The following RGS7 variants were observed in gnomAD, a reference collection of about 807,000 sequenced individuals.
RGS7 encodes regulator of G-protein signaling 7.
In RGS7, 27 loss-of-function variants were observed where a neutral mutation model predicts 81.1. The ratio of observed to expected loss-of-function variants is 0.33; its 90% CI spans 0.25 to 0.46. RGS7 has a LOEUF of 0.46. Ranked by LOEUF, RGS7 falls within the 20% of genes least tolerant of loss-of-function variation. The pLI is 1.00. For synonymous variants in RGS7, 208 were observed against 207.7 expected (o/e 1.00, Z -0.01); for missense variants, 396 against 607.4 (o/e 0.65, Z 3.66).
intron 6 of RGS7, among the ~76,000 whole-genome samples, chr1:240,904,354 A>G (rs894822657): frequency 2.6e-5 from 4 of 152,212 alleles, no homozygotes; most frequent in African/African-American, 9.7e-5. Context: ...TGTGTGGTCT[A>G]TGTGTAATAG....
intron 9 of RGS7, among the ~76,000 whole-genome samples, chr1:240,854,815 G>C (rs868489439): frequency 6.6e-6 from 1 of 151,730 alleles, no homozygotes; most frequent in Admixed American, 6.6e-5. Context: ...TCCCCTCCCC[G>C]GCCTACACGG....
intron 2 of RGS7, among the ~76,000 whole-genome samples, chr1:241,189,585 C>T (rs2072427565): frequency 6.6e-6 from 1 of 152,154 alleles, no homozygotes; most frequent in Non-Finnish European, 1.5e-5. Flanking sequence ...AGTCTTAGAG[C>T]TATTTGCCTA....
intron 2 of RGS7, among the ~76,000 whole-genome samples, chr1:241,296,936 T>G (rs1472402384): frequency 2.0e-5 from 3 of 152,062 alleles, no homozygotes; most frequent in Non-Finnish European, 4.4e-5. Context: ...TAGCTGGGTT[T>G]TTTTTTTTTA....
chr1:240,955,286 G>A (rs2148450619), intron 4 of RGS7, among the ~76,000 whole-genome samples: 1 of 152,216 alleles, frequency 6.6e-6, no homozygotes, highest in East Asian at 1.9e-4. Flanking sequence ...ACATAATAAT[G>A]AAGGATAAAA....
At chr1:241,313,934 A>AT (rs2080707247) in intron 2 of RGS7, among the ~76,000 whole-genome samples, 1 of 152,202 alleles carries the variant, frequency 6.6e-6, no homozygotes, top group East Asian at 1.9e-4. Context: ...GAGAACTTGG[A>AT]TTTTAAGTGG....
At chr1:241,158,469 A>C (rs112482479) in intron 2 of RGS7, among the ~76,000 whole-genome samples, 3,686 of 152,280 alleles carry the variant, frequency 0.024, 137 homozygotes, top group African/African-American at 0.075. Flanking sequence ...CGTTATGCTC[A>C]AACCCAAGCG....
chr1:240,832,553 A>G (rs1255242859), intron 9 of RGS7, among the ~76,000 whole-genome samples: 1 of 152,204 alleles, frequency 6.6e-6, no homozygotes, highest in African/African-American at 2.4e-5. Flanking sequence ...CATTATTGAT[A>G]TTTTAAGTAA....
intron 10 of RGS7, among the ~76,000 whole-genome samples, chr1:240,825,403 G>A (rs895599397): frequency 6.6e-6 from 1 of 152,194 alleles, no homozygotes; most frequent in Admixed American, 6.5e-5. Flanking sequence ...GAAGATTCTA[G>A]CAAATTGAAC....
chr1:241,229,060 T>TAA (rs34579729), intron 2 of RGS7, among the ~76,000 whole-genome samples: 7 of 143,330 alleles, frequency 4.9e-5, no homozygotes, highest in South Asian at 4.5e-4. Flanking sequence ...AATAAAAAAT[T>TAA]AAAAAAAAAA....
intron 6 of RGS7, among the ~76,000 whole-genome samples, chr1:240,903,415 C>T (rs189948121): frequency 1.1e-3 from 173 of 151,810 alleles, no homozygotes; most frequent in African/African-American, 4.0e-3. Flanking sequence ...TAATGGCTTC[C>T]ATGTTGGACA....
intron 2 of RGS7, among the ~76,000 whole-genome samples, chr1:241,220,999 G>GGAAGAAAGAA (rs1558203363): frequency 0.013 from 809 of 64,398 alleles, 16 homozygotes; most frequent in South Asian, 0.037. Context: ...GGAAGGAAGA[G>GGAAGAAAGAA]AGAGAGAAAG....
chr1:241,155,318 G>A (rs1425126238), intron 2 of RGS7, among the ~76,000 whole-genome samples: 1 of 151,936 alleles, frequency 6.6e-6, no homozygotes, highest in Non-Finnish European at 1.5e-5. Context: ...CCAGGCTGGT[G>A]AACTCCTGAC....
chr1:240,807,998 G>T (rs1368455790), intron 14 of RGS7, among the ~76,000 whole-genome samples: 1 of 142,860 alleles, frequency 7.0e-6, no homozygotes, highest in African/African-American at 2.7e-5. Context: ...TCATGCCATT[G>T]CACTCTAGCC....
chr1:241,276,524 TG>T (rs2078202886), intron 2 of RGS7, among the ~76,000 whole-genome samples: 1 of 152,200 alleles, frequency 6.6e-6, no homozygotes, highest in Non-Finnish European at 1.5e-5. Flanking sequence ...TTTTGCTAAA[TG>T]GGTTTAAGGA....
intron 2 of RGS7, among the ~76,000 whole-genome samples, chr1:241,156,049 A>G (rs1007923005): frequency 6.6e-6 from 1 of 151,796 alleles, no homozygotes; most frequent in Non-Finnish European, 1.5e-5. Context: ...TAGGTTCTAT[A>G]ATATTAGAGT....
chr1:241,204,320 C>A (rs913202000), intron 2 of RGS7, among the ~76,000 whole-genome samples: 1 of 152,194 alleles, frequency 6.6e-6, no homozygotes, highest in East Asian at 1.9e-4. Context: ...ATTGCATTTG[C>A]TCACCAAGTT....
intron 6 of RGS7, among the ~76,000 whole-genome samples, chr1:240,878,241 C>G (rs1030968876): frequency 4.6e-5 from 7 of 152,162 alleles, no homozygotes; most frequent in African/African-American, 1.7e-4. Context: ...TAATGTACAA[C>G]TTATGCATTC....
At chr1:241,176,970 G>A (rs1246159323) in intron 2 of RGS7, among the ~76,000 whole-genome samples, 9 of 152,158 alleles carry the variant, frequency 5.9e-5, no homozygotes, top group South Asian at 2.1e-4. Context: ...AAACTGAAGC[G>A]GACTCCTAAG....
intron 3 of RGS7, among the ~76,000 whole-genome samples, chr1:240,997,152 T>C (rs553725743): frequency 2.6e-5 from 4 of 152,158 alleles, no homozygotes; most frequent in African/African-American, 9.6e-5. Context: ...TTATTGCTGT[T>C]ATTATTTAGA....
Sources: gnomAD v4.1 joint callset for allele counts (sites outside exome capture counted in the v4.1 genomes callset) on GRCh38, gnomAD v4.1.1 for gene constraint, MANE v1.5 for transcripts, NCBI Gene and HGNC (gene_info 2026-07-23, HGNC 2026-07-21) for gene names.